ADGRB3: variants seen among roughly 807,000 people sequenced by gnomAD.
ADGRB3 encodes adhesion G protein-coupled receptor B3.
ADGRB3 carries 37 observed loss-of-function variants against 193.4 expected under a neutral mutation model. The observed-to-expected ratio is 0.19, with a 90% CI of 0.15 to 0.25. The LOEUF (loss-of-function observed/expected upper bound fraction) is 0.25, where lower values mean the gene tolerates loss of function less well. Among genes scored for constraint, ADGRB3 ranks in the 10% least tolerant of loss-of-function variants. The probability of loss-of-function intolerance (pLI) is 1.00; values close to 1 mark genes in which losing one functional copy is unlikely to be tolerated. For missense variants in ADGRB3, 1,637 were observed against 1,852.9 expected, an observed-to-expected ratio of 0.88 and a Z score of 2.14; for synonymous variants, 690 against 644.2, an observed-to-expected ratio of 1.07 and a Z score of -1.08.
At chr6:68,900,545 A>G (rs1239800027) in intron 3 of ADGRB3, among the ~76,000 whole-genome samples, 2 of 152,176 alleles carry the variant, frequency 1.3e-5, no homozygotes, top group East Asian at 1.9e-4. Context: ...TTATTAAACA[A>G]GTAGATAGGA....
intron 3 of ADGRB3, among the ~76,000 whole-genome samples, chr6:68,712,886 T>C (rs1212987695): frequency 6.6e-6 from 1 of 151,862 alleles, no homozygotes. Context: ...TATTAGATAC[T>C]GATAATTTTA....
At chr6:69,043,290 G>GAGAGAGAGAAAGAAAGAAAGAAAGAA (rs1554252049) in intron 13 of ADGRB3, among the ~76,000 whole-genome samples, 2 of 88,032 alleles carry the variant, frequency 2.3e-5, no homozygotes, top group South Asian at 3.7e-4. Flanking sequence ...GGAAGAAAGA[G>GAGAGAGAGAAAGAAAGAAAGAAAGAA]AGAAAGAAAG....
At chr6:69,189,928 C>T (rs1017039965) in intron 17 of ADGRB3, among the ~76,000 whole-genome samples, 2 of 152,008 alleles carry the variant, frequency 1.3e-5, no homozygotes, top group African/African-American at 2.4e-5. Flanking sequence ...CTAAAAAATC[C>T]GAATCTCTTA....
At chr6:69,048,671 T>C (rs929532375) in intron 14 of ADGRB3, among the ~76,000 whole-genome samples, 1 of 152,178 alleles carries the variant, frequency 6.6e-6, no homozygotes, top group African/African-American at 2.4e-5. Context: ...GTATTTTCCA[T>C]GCAATGTCAT....
intron 3 of ADGRB3, among the ~76,000 whole-genome samples, chr6:68,766,107 C>T (rs1250046890): frequency 6.6e-6 from 1 of 151,884 alleles, no homozygotes; most frequent in Admixed American, 6.6e-5. Flanking sequence ...TTCCAAAAAG[C>T]AGTAAATTAT....
At chr6:68,958,088 C>T (rs1046533988) in intron 8 of ADGRB3, among the ~76,000 whole-genome samples, 6 of 152,040 alleles carry the variant, frequency 3.9e-5, no homozygotes, top group African/African-American at 1.4e-4. Flanking sequence ...GTAATCCCAG[C>T]TACGCAGGAG....
chr6:69,017,544 C>G (rs543494227), intron 12 of ADGRB3, among the ~76,000 whole-genome samples: 1 of 151,928 alleles, frequency 6.6e-6, no homozygotes, highest in South Asian at 2.1e-4. Context: ...TTGACACAAT[C>G]AGGTTGCCAA....
chr6:68,821,640 T>C (rs1241985776), intron 3 of ADGRB3, among the ~76,000 whole-genome samples: 3 of 146,794 alleles, frequency 2.0e-5, no homozygotes, highest in African/African-American at 7.4e-5. Flanking sequence ...AATTTGCCTC[T>C]TTTTTTTTTA....
intron 3 of ADGRB3, among the ~76,000 whole-genome samples, chr6:68,815,018 A>T (rs1279900595): frequency 6.6e-6 from 1 of 152,136 alleles, no homozygotes; most frequent in Non-Finnish European, 1.5e-5. Context: ...TGTCAAACCC[A>T]CAGCCAATAT....
chr6:68,995,680 G>A (rs555646789), intron 11 of ADGRB3, among the ~76,000 whole-genome samples: 12 of 152,180 alleles, frequency 7.9e-5, no homozygotes, highest in South Asian at 4.1e-4. Context: ...TGGTGTCCTC[G>A]TCATTGCCTC....
chr6:69,272,491 TA>T (rs1200153090), intron 20 of ADGRB3, among the ~76,000 whole-genome samples: 2 of 152,104 alleles, frequency 1.3e-5, no homozygotes, highest in African/African-American at 4.8e-5. Flanking sequence ...GAAAAAGACA[TA>T]ACTGGGTAGA....
chr6:69,331,433 A>T (rs1028902238), intron 23 of ADGRB3: 2 of 454,318 alleles, frequency 4.4e-6, no homozygotes, highest in East Asian at 3.1e-4. Flanking sequence ...TTATATTTCT[A>T]ATTGGAAAGT....
At chr6:69,212,839 G>T (rs1389776887) in intron 17 of ADGRB3, among the ~76,000 whole-genome samples, 2 of 152,108 alleles carry the variant, frequency 1.3e-5, no homozygotes, top group African/African-American at 2.4e-5. Flanking sequence ...GAACTTTCTC[G>T]ATCTGTGGGC....
intron 3 of ADGRB3, among the ~76,000 whole-genome samples, chr6:68,725,070 A>G (rs1422635665): frequency 6.6e-6 from 1 of 151,640 alleles, no homozygotes; most frequent in Non-Finnish European, 1.5e-5. Flanking sequence ...GGCTTCACAG[A>G]TTAGAAAAGC....
chr6:68,751,540 G>A (rs1371333649), intron 3 of ADGRB3, among the ~76,000 whole-genome samples: 1 of 152,104 alleles, frequency 6.6e-6, no homozygotes, highest in Non-Finnish European at 1.5e-5. Flanking sequence ...TTATGCAAAT[G>A]GTTGTCTCTT....
At chr6:68,772,686 T>C (rs1046219120) in intron 3 of ADGRB3, among the ~76,000 whole-genome samples, 1 of 151,174 alleles carries the variant, frequency 6.6e-6, no homozygotes, top group African/African-American at 2.4e-5. Context: ...CTAATATTAA[T>C]TACAAACACT....
At chr6:69,074,504 G>T (rs953283808) in intron 16 of ADGRB3, among the ~76,000 whole-genome samples, 1 of 151,732 alleles carries the variant, frequency 6.6e-6, no homozygotes, top group Non-Finnish European at 1.5e-5. Flanking sequence ...GTCCACCTGT[G>T]GAAGGAAGGC....
At chr6:68,806,695 T>C (rs1767407376) in intron 3 of ADGRB3, among the ~76,000 whole-genome samples, 1 of 151,888 alleles carries the variant, frequency 6.6e-6, no homozygotes, top group East Asian at 1.9e-4. Context: ...AATAAGAATA[T>C]GTATTTTACA....
rs1236913184 is a variant in ADGRB3 at position 69,210,167 on chromosome 6, T to TATAC, written c.2481-23120_2481-23119insCATA. On this transcript the variant is annotated intron_variant, in intron 17 of 31. Transcript: ENST00000370598. ...TATATATCATATATATATATATATATATAAAGGGGAGTTTATTAAATATTA... is the reference window on the plus strand; with the variant it reads ...TATATATCATATATATATATATATATATACATAAAGGGGAGTTTATTAAATATTA... 2.3e-5 allele frequency among the ~76,000 whole-genome samples: 3 copies of TATAC among 130,072 alleles called. 1 individual carries two copies. The highest frequency in any genetic ancestry group is 4.8e-5 in the Non-Finnish European group (3 of 61,960). 85.3% of individuals were successfully genotyped at this position (130,072 alleles called of 152,430 possible).
Sources: allele counts gnomAD v4.1 joint callset (sites outside exome capture counted in the v4.1 genomes callset), GRCh38; gene constraint gnomAD v4.1.1; transcripts MANE v1.5; gene names NCBI Gene and HGNC (gene_info 2026-07-23, HGNC 2026-07-21).